Variants in PIP5K1C observed in about 807,000 individuals in gnomAD.
The protein encoded by PIP5K1C is phosphatidylinositol 4-phosphate 5-kinase type-1 gamma.
A neutral mutation model predicts 80.1 loss-of-function variants in PIP5K1C; 45 were observed. The observed-to-expected ratio is 0.56, with a 90% CI of 0.44 to 0.72. The LOEUF (loss-of-function observed/expected upper bound fraction) is 0.72. Among genes scored for constraint, PIP5K1C ranks in the 30% least tolerant of loss-of-function variants. The pLI is 0.00. For synonymous variants in PIP5K1C, 498 were observed against 420.1 expected (o/e 1.19, Z -2.27); for missense variants, 753 against 954.6 (o/e 0.79, Z 2.78).
At position 3,637,770 on chromosome 19, in the gene PIP5K1C, C is replaced by G. The variant is rs1156528830; in HGVS notation, c.1920+1114G>C. The G allele has an allele frequency of 1.3e-6, 2 of 1,531,570 alleles. No individual in the cohort carries two copies. Among genetic ancestry groups the G allele is most frequent in the African/African-American group, 2.7e-5 (2 of 72,788 alleles). 94.9% of individuals were successfully genotyped at this position (1,531,570 alleles called of 1,614,324 possible). Reference sequence around the variant, plus strand: ...AAGCAGAAGGTGGGGGGTGCCGGGGCAGGGGCAGGACCGAGGACCCTTCTC... The same window carrying G: ...AAGCAGAAGGTGGGGGGTGCCGGGGGAGGGGCAGGACCGAGGACCCTTCTC... On this transcript the variant is annotated intron_variant, in intron 16 of 17. Transcript: ENST00000335312. The surrounding 1 kb of genome is among the most constrained non-coding windows in gnomAD (Gnocchi z 7.0).
intron 1 of PIP5K1C, among the ~76,000 whole-genome samples, chr19:3,698,943 A>G (rs867782148): frequency 5.0e-5 from 1 of 20,020 alleles, no homozygotes; most frequent in Non-Finnish European, 1.1e-4. Flanking sequence ...CCCCACCCCC[A>G]CCCCCCCACT....
chr19:3,674,275 G>T (rs2035293545), intron 1 of PIP5K1C: 1 of 152,272 alleles, frequency 6.6e-6, no homozygotes, highest in South Asian at 2.1e-4. Flanking sequence ...AGAATCGCAA[G>T]CAAATACACA....
chr19:3,645,121 G>T (rs2034156265), intron 11 of PIP5K1C, among the ~76,000 whole-genome samples: 2 of 152,242 alleles, frequency 1.3e-5, no homozygotes, highest in Non-Finnish European at 2.9e-5. Context: ...GTGCAGGCCG[G>T]GAAGAGCAGC....
At chr19:3,651,000 C>T (rs1391234437) in intron 8 of PIP5K1C, among the ~76,000 whole-genome samples, 1 of 151,630 alleles carries the variant, frequency 6.6e-6, no homozygotes, top group African/African-American at 2.4e-5. Flanking sequence ...AGATGATCCA[C>T]CTGCCTCAGC....
At chr19:3,639,168 C>T in intron 15 of PIP5K1C, 152 bp from the exon 16 acceptor site, 1 of 896,132 alleles carries the variant, frequency 1.1e-6, no homozygotes, top group Admixed American at 2.1e-5. Context: ...TCCTGCGCTG[C>T]CATTTATCGC....
At chr19:3,674,991 A>G (rs1224851984) in intron 1 of PIP5K1C, among the ~76,000 whole-genome samples, 1 of 152,160 alleles carries the variant, frequency 6.6e-6, no homozygotes, top group East Asian at 1.9e-4. Context: ...GAGATACCAG[A>G]CACAAGAGGC....
intron 1 of PIP5K1C, among the ~76,000 whole-genome samples, chr19:3,677,962 T>G (rs1266328158): frequency 2.7e-3 from 127 of 47,206 alleles, no homozygotes; most frequent in African/African-American, 3.0e-3. Flanking sequence ...GATGGATGGA[T>G]GGAGGATGGA....
At chr19:3,634,923 C>T (rs1374696520) in intron 16 of PIP5K1C, among the ~76,000 whole-genome samples, 1 of 152,250 alleles carries the variant, frequency 6.6e-6, no homozygotes. Flanking sequence ...AGGACCCCAG[C>T]GCAGGCCTTG....
At chr19:3,651,577 G>A (rs1470007826) in intron 8 of PIP5K1C, among the ~76,000 whole-genome samples, 1 of 152,236 alleles carries the variant, frequency 6.6e-6, no homozygotes, top group African/African-American at 2.4e-5. Flanking sequence ...CCTCGGCCCA[G>A]TCACGGGTGA....
At chr19:3,644,700 T>A (rs560370473) in intron 11 of PIP5K1C, among the ~76,000 whole-genome samples, 87 of 152,328 alleles carry the variant, frequency 5.7e-4, no homozygotes, top group Non-Finnish European at 9.9e-4. Flanking sequence ...TGAGCGCAGA[T>A]CCAGGCTCAC....
At chr19:3,682,088 C>T (rs1033075485) in intron 1 of PIP5K1C, among the ~76,000 whole-genome samples, 10 of 151,830 alleles carry the variant, frequency 6.6e-5, no homozygotes, top group South Asian at 2.1e-4. Flanking sequence ...GAAAAGGCAT[C>T]GTGGGCCAGG....
Position 3,637,529 on chromosome 19 carries a change from C to T in PIP5K1C, c.1920+1355G>A. 1 of 1,535,044 alleles carries T rather than the reference C, an allele frequency of 6.5e-7. No homozygotes were observed. The highest frequency in any genetic ancestry group is 8.7e-7 in the Non-Finnish European group (1 of 1,146,546). On this transcript the variant is annotated intron_variant, in intron 16 of 17. Transcript: ENST00000335312. The surrounding 1 kb of genome is among the most constrained non-coding windows in gnomAD (Gnocchi z 7.0). ...TCTCCCCAGGGTGGCCGGCTGCGGT[C>T]ACTTACAGTCCCCGAGGCGCTCAGC...
At chr19:3,662,150 G>C in intron 3 of PIP5K1C, 149 bp from the exon 4 acceptor site, 1 of 966,796 alleles carries the variant, frequency 1.0e-6, no homozygotes, top group Non-Finnish European at 1.5e-6. Flanking sequence ...GGGGCTGCCT[G>C]TCCTGCGGCT....
At chr19:3,693,804 C>G (rs900034721) in intron 1 of PIP5K1C, among the ~76,000 whole-genome samples, 3 of 152,200 alleles carry the variant, frequency 2.0e-5, no homozygotes, top group African/African-American at 7.2e-5. Context: ...GGGCGCATGC[C>G]TGTAACCCCA....
In PIP5K1C at chr19:3,658,339, G is replaced by A. The variant is rs530772827; in HGVS notation, c.469-1782C>T. On this transcript the variant is annotated intron_variant, in intron 5 of 17. Coordinates refer to ENST00000335312, the MANE Select transcript of PIP5K1C (RefSeq NM_012398.3). ...AGTGATGGTGCAGGGTGAGAGAGCC[G>A]TGTGGGGTGGACTCTGAGGCTGGAG... is the stretch of plus-strand genomic sequence containing the variant. 1.4e-4 allele frequency among the ~76,000 whole-genome samples: 22 copies of A among 152,254 alleles called. 1 individual carries two copies. Among genetic ancestry groups the A allele is most frequent in the Non-Finnish European group, 2.5e-4 (17 of 68,038 alleles).
chr19:3,671,566 G>A (rs888249413), intron 1 of PIP5K1C, among the ~76,000 whole-genome samples: 5 of 152,358 alleles, frequency 3.3e-5, no homozygotes, highest in South Asian at 2.1e-4. Flanking sequence ...GGCCGGGGCC[G>A]AAGCACTGAG....
chr19:3,672,440 G>A (rs2035236860), intron 1 of PIP5K1C: 1 of 152,326 alleles, frequency 6.6e-6, no homozygotes, highest in Non-Finnish European at 1.5e-5. Flanking sequence ...TGACAGCATG[G>A]GCGTGTTTGT....
chr19:3,644,818 T>C (rs549103714), intron 11 of PIP5K1C, among the ~76,000 whole-genome samples: 4 of 152,126 alleles, frequency 2.6e-5, no homozygotes, highest in African/African-American at 7.3e-5. Context: ...TCCTCAGTGC[T>C]GTGTGAGCTC....
In PIP5K1C at chr19:3,648,252, G is replaced by A. The variant is rs2034310360; in HGVS notation, c.1211+373C>T. Among the ~76,000 whole-genome samples the A allele has an allele frequency of 1.3e-5, 2 of 152,068 alleles. No individual in the cohort carries two copies. The highest frequency in any genetic ancestry group is 2.4e-5 in the African/African-American group (1 of 41,400). ...TGCCCAGGCTGGTCTCAAACTCCTG[G>A]GCTCAAGCAATCCTCCCGCCTCGGC... is the stretch of plus-strand genomic sequence containing the variant. On this transcript the variant is annotated intron_variant, in intron 9 of 17. Transcript: ENST00000335312. This position sits in a 1 kb window ranked among gnomAD's most constrained non-coding sequence, Gnocchi z 4.3.
Sources: allele counts gnomAD v4.1 joint callset (sites outside exome capture counted in the v4.1 genomes callset), GRCh38; gene constraint gnomAD v4.1.1; non-coding constraint Gnocchi (gnomAD v3.1); transcripts MANE v1.5; gene names NCBI Gene and HGNC (gene_info 2026-07-23, HGNC 2026-07-21).